Variants in SHISA9 observed in about 807,000 individuals in gnomAD.
SHISA9 encodes protein shisa-9.
In SHISA9, 13 loss-of-function variants were observed where a neutral mutation model predicts 38.0. The observed-to-expected ratio is 0.34, with a 90% CI of 0.22 to 0.54. The LOEUF is 0.54. Among genes scored for constraint, SHISA9 ranks in the 20% least tolerant of loss-of-function variants. SHISA9 has a pLI of 0.91. For synonymous variants in SHISA9, 275 were observed against 242.0 expected, an observed-to-expected ratio of 1.14 and a Z score of -1.27; for missense variants, 538 against 575.8, an observed-to-expected ratio of 0.93 and a Z score of 0.67.
At chr16:13,195,936 A>T (rs2050934007) in intron 2 of SHISA9, among the ~76,000 whole-genome samples, 1 of 151,620 alleles carries the variant, frequency 6.6e-6, no homozygotes, top group African/African-American at 2.4e-5. Context: ...AAAAATAAAA[A>T]AATTAGCCAG....
chr16:13,317,743 C>T, the SHISA9 span, among the ~76,000 whole-genome samples: 2 of 152,296 alleles, frequency 1.3e-5, no homozygotes, highest in South Asian at 4.1e-4. Flanking sequence ...TAAATGTTGG[C>T]AACCATCTGT....
the SHISA9 span, among the ~76,000 whole-genome samples, chr16:13,371,642 C>A: frequency 6.6e-6 from 1 of 152,212 alleles, no homozygotes; most frequent in Non-Finnish European, 1.5e-5. Context: ...GTAAGATTAG[C>A]GATGTCCCTT....
chr16:13,351,018 G>T, the SHISA9 span, among the ~76,000 whole-genome samples: 1 of 152,022 alleles, frequency 6.6e-6, no homozygotes, highest in East Asian at 1.9e-4. Flanking sequence ...CCATCTATTG[G>T]GCACTGATGT....
the SHISA9 span, among the ~76,000 whole-genome samples, chr16:13,435,504 C>A: frequency 6.6e-6 from 1 of 152,208 alleles, no homozygotes; most frequent in Non-Finnish European, 1.5e-5. Context: ...TATAACTTTA[C>A]ATTCTTTGGA....
At chr16:12,902,923 T>A in intron 1 of SHISA9, 1 of 361,106 alleles carries the variant, frequency 2.8e-6, no homozygotes, top group Middle Eastern at 7.4e-4. Context: ...GAGGCGGACT[T>A]GAGACACGTA....
At chr16:13,427,804 T>A in the SHISA9 span, among the ~76,000 whole-genome samples, 1 of 152,118 alleles carries the variant, frequency 6.6e-6, no homozygotes, top group Non-Finnish European at 1.5e-5. Context: ...TATTCCAGAA[T>A]AACTGAAACC....
At chr16:13,518,499 C>T in the SHISA9 span, among the ~76,000 whole-genome samples, 3 of 152,116 alleles carry the variant, frequency 2.0e-5, no homozygotes, top group Non-Finnish European at 4.4e-5. Flanking sequence ...TTGCTGATTT[C>T]CCCTCCCTGC....
the SHISA9 span, among the ~76,000 whole-genome samples, chr16:13,260,506 A>C: frequency 6.7e-6 from 1 of 149,924 alleles, no homozygotes; most frequent in African/African-American, 2.4e-5. Context: ...TCTCTAGTGC[A>C]GGGGCAAAAT....
intron 2 of SHISA9, among the ~76,000 whole-genome samples, chr16:12,940,325 C>G (rs146886665): frequency 9.8e-5 from 15 of 152,286 alleles, no homozygotes; most frequent in African/African-American, 3.6e-4. Flanking sequence ...TTGCTGCACC[C>G]CAGCTTGTCT....
At chr16:13,070,156 A>ATGTGTGTGTGTGTGTG (rs761815708) in intron 2 of SHISA9, among the ~76,000 whole-genome samples, 5 of 148,000 alleles carry the variant, frequency 3.4e-5, no homozygotes, top group African/African-American at 1.3e-4. Context: ...GTGTGTGTGC[A>ATGTGTGTGTGTGTGTG]CGCATGTGTC....
intron 2 of SHISA9, among the ~76,000 whole-genome samples, chr16:13,148,691 A>G (rs867316340): frequency 1.5e-4 from 17 of 115,110 alleles, no homozygotes; most frequent in African/African-American, 7.7e-4. Context: ...ATACACAAGC[A>G]CACACACACA....
At chr16:12,909,329 G>A in intron 1 of SHISA9, 1 of 985,432 alleles carries the variant, frequency 1.0e-6, no homozygotes, top group Non-Finnish European at 1.2e-6. Context: ...GCTCACTCAT[G>A]CCCATTGCCC....
chr16:13,369,260 T>C, the SHISA9 span, among the ~76,000 whole-genome samples: 1 of 152,070 alleles, frequency 6.6e-6, no homozygotes, highest in Non-Finnish European at 1.5e-5. Flanking sequence ...AATTTCAGAG[T>C]AGTTGTCAAC....
the SHISA9 span, among the ~76,000 whole-genome samples, chr16:13,449,960 CA>C: frequency 2.0e-5 from 3 of 151,782 alleles, no homozygotes; most frequent in African/African-American, 7.2e-5. Flanking sequence ...ACTAAAAATA[CA>C]AAAAAAATAG....
the SHISA9 span, among the ~76,000 whole-genome samples, chr16:13,330,964 C>T: frequency 6.6e-5 from 10 of 152,154 alleles, no homozygotes; most frequent in African/African-American, 9.7e-5. Flanking sequence ...AAGAGGTAGC[C>T]CTGTGATCCT....
chr16:12,937,411 T>G (rs569521209), intron 2 of SHISA9, among the ~76,000 whole-genome samples: 1 of 152,252 alleles, frequency 6.6e-6, no homozygotes, highest in Non-Finnish European at 1.5e-5. Flanking sequence ...AGATATTCTA[T>G]GCATTTACTA....
At chr16:13,055,886 C>G (rs1289033831) in intron 2 of SHISA9, among the ~76,000 whole-genome samples, 3 of 152,202 alleles carry the variant, frequency 2.0e-5, no homozygotes, top group African/African-American at 4.8e-5. Flanking sequence ...GCCTTGCTAA[C>G]AGCCAGTAAG....
chr16:13,428,126 G>T, the SHISA9 span, among the ~76,000 whole-genome samples: 1 of 152,186 alleles, frequency 6.6e-6, no homozygotes, highest in African/African-American at 2.4e-5. Flanking sequence ...CCAATAAGAA[G>T]ATGCAAACTG....
At chr16:13,297,448 A>T in the SHISA9 span, among the ~76,000 whole-genome samples, 263 of 152,244 alleles carry the variant, frequency 1.7e-3, 1 homozygote, top group African/African-American at 5.9e-3. Flanking sequence ...TCTTTGGGAA[A>T]AGTATGAAAG....
Sources: gnomAD v4.1 joint callset for allele counts (sites outside exome capture counted in the v4.1 genomes callset) on GRCh38, gnomAD v4.1.1 for gene constraint, MANE v1.5 for transcripts, NCBI Gene and HGNC (gene_info 2026-07-23, HGNC 2026-07-21) for gene names.